Variants in KPNB1 observed in about 807,000 individuals in gnomAD.
KPNB1 encodes importin subunit beta-1.
A neutral mutation model predicts 113.0 loss-of-function variants in KPNB1; 7 were observed. That is an observed-to-expected ratio of 0.06 (90% CI 0.04 to 0.12). The LOEUF (loss-of-function observed/expected upper bound fraction) is 0.12, where lower values mean the gene tolerates loss of function less well. Among genes scored for constraint, KPNB1 ranks in the 10% least tolerant of loss-of-function variants. The probability of loss-of-function intolerance (pLI) is 1.00; values close to 1 mark genes in which losing one functional copy is unlikely to be tolerated. For synonymous variants in KPNB1, 363 were observed against 378.6 expected, an observed-to-expected ratio of 0.96 and a Z score of 0.48; for missense variants, 400 against 1,054.8, an observed-to-expected ratio of 0.38 and a Z score of 8.60.
At position 47,675,373 on chromosome 17, in the gene KPNB1, T is replaced by TTC. The variant is rs2030579019; in HGVS notation, c.1912+592_1912+593insCT. 1.9e-5 allele frequency among the ~76,000 whole-genome samples: 2 copies of TTC among 102,626 alleles called. 1 individual carries two copies. The highest frequency in any genetic ancestry group is 3.8e-5 in the Non-Finnish European group (2 of 52,072). The allele number at this position is 102,626 out of a possible 152,430, so 67.3% of individuals were successfully genotyped here. ...TGGCAGAGGTGTTGTTTTTTTTTTG[T>TTC]TTTTTTTTTTTGTTTGTTTTTTTTT... On this transcript the variant is annotated intron_variant, in intron 15 of 21. Coordinates refer to ENST00000290158, the MANE Select transcript of KPNB1 (RefSeq NM_002265.6).
At chr17:47,664,408 A>G (rs1331742504) in intron 8 of KPNB1, 139 bp downstream of exon 8, 2 of 608,028 alleles carry the variant, frequency 3.3e-6, no homozygotes, top group Non-Finnish European at 5.8e-6. Flanking sequence ...TTTTTCTGCT[A>G]GCCAGAGCCC....
chr17:47,651,391 GT>G (rs1915564684), intron 2 of KPNB1: 2 of 978,786 alleles, frequency 2.0e-6, no homozygotes, highest in South Asian at 4.7e-5. Flanking sequence ...TAGGAATTAA[GT>G]CTGAGTAACA....
At chr17:47,656,785 A>G (rs548692228) in intron 3 of KPNB1, 75 bp from the exon 4 acceptor site, 86 of 1,393,864 alleles carry the variant, frequency 6.2e-5, no homozygotes, top group Middle Eastern at 3.7e-4. Flanking sequence ...AGACACTAAT[A>G]TAAGTATGGT....
At chr17:47,677,746 G>A (rs1567895219) in intron 17 of KPNB1, among the ~76,000 whole-genome samples, 2 of 152,148 alleles carry the variant, frequency 1.3e-5, no homozygotes, top group Non-Finnish European at 2.9e-5. Context: ...TCATGAGCAG[G>A]GGACCATTTG....
intron 2 of KPNB1, among the ~76,000 whole-genome samples, chr17:47,651,651 C>T (rs927930800): frequency 6.3e-4 from 96 of 152,006 alleles, no homozygotes; most frequent in Admixed American, 6.0e-3. Context: ...TATCTTATTC[C>T]TAACATTCTT....
chr17:47,673,615 T>C (rs552791609), intron 14 of KPNB1, 54 bp downstream of exon 14: 1 of 1,325,850 alleles, frequency 7.5e-7, no homozygotes, highest in Non-Finnish European at 1.1e-6. Flanking sequence ...TATTAGTATC[T>C]CAGTATAACA....
At chr17:47,656,776 G>A in intron 3 of KPNB1, 84 bp from the exon 4 acceptor site, 2 of 1,308,814 alleles carry the variant, frequency 1.5e-6, no homozygotes. Context: ...AGAATTCAGA[G>A]ACACTAATAT....
chr17:47,669,894 A>C, intron 11 of KPNB1, 25 bp downstream of exon 11: 1 of 1,532,950 alleles, frequency 6.5e-7, no homozygotes, highest in Non-Finnish European at 9.0e-7. Context: ...TGCTGGTGAG[A>C]AAAGGAGCTT....
chr17:47,682,355 T>G, intron 21 of KPNB1, 49 bp from the exon 22 acceptor site: 1 of 780,656 alleles, frequency 1.3e-6, no homozygotes, highest in South Asian at 1.3e-5. Flanking sequence ...TTGGCTCTGT[T>G]GGGTATATGT....
At chr17:47,650,655 A>G (rs932869985) in intron 2 of KPNB1, among the ~76,000 whole-genome samples, 1 of 149,280 alleles carries the variant, frequency 6.7e-6, no homozygotes, top group African/African-American at 2.4e-5. Flanking sequence ...CGACTGGCCA[A>G]TGGCTTGGCG....
At chr17:47,651,287 T>C (rs756741699) in intron 2 of KPNB1, 138 of 985,112 alleles carry the variant, frequency 1.4e-4, no homozygotes, top group Non-Finnish European at 1.6e-4. Flanking sequence ...ACAGCCTAGA[T>C]GCCAGTTAAG....
intron 2 of KPNB1, chr17:47,651,378 T>A (rs888850449): frequency 2.0e-6 from 2 of 983,700 alleles, no homozygotes; most frequent in Non-Finnish European, 2.4e-6. Context: ...TTGAGAAAGG[T>A]AATAGGAATT....
intron 8 of KPNB1, 52 bp from the exon 9 acceptor site, chr17:47,665,005 A>C: frequency 7.7e-7 from 1 of 1,291,302 alleles, no homozygotes; most frequent in South Asian, 1.2e-5. Flanking sequence ...GTATGCCTTT[A>C]GTATACAGAG....
rs562501646 is a variant in KPNB1, at chr17:47,677,138, A to G, written c.2103+11A>G. The G allele has an allele frequency of 1.9e-6, 3 of 1,549,046 alleles. No individual in the cohort carries two copies. The highest frequency in any genetic ancestry group is 2.7e-5 in the African/African-American group (2 of 73,618). Reference sequence around the variant, plus strand: ...CTGGAAAATTTGGGGGTGAGTATCTACACACAATCTAATTAACCAGTCTTC... The same window carrying G: ...CTGGAAAATTTGGGGGTGAGTATCTGCACACAATCTAATTAACCAGTCTTC... On this transcript the variant is annotated intron_variant, in intron 17 of 21. Transcript: ENST00000290158.
rs760010314 is a variant in KPNB1 at position 47,682,467 on chromosome 17, C to T, written c.*63C>T. The T allele has an allele frequency of 1.3e-6, 1 of 778,934 alleles. No homozygotes were observed. Among genetic ancestry groups the T allele is most frequent in the East Asian group, 2.4e-5 (1 of 41,246 alleles). 48.3% of individuals were successfully genotyped at this position (778,934 alleles called of 1,614,324 possible). A position where few individuals can be genotyped will look rare whatever the true frequency, so the allele number is the denominator to read the frequency against. On this transcript the variant is annotated 3_prime_UTR_variant, in exon 22 of 22. Transcript: ENST00000290158. Reference sequence around the variant, plus strand: ...TGGAAATCTCCCATCTTTTGAAAAACCTGGAAGTGAGGAGTGTGCACGGAT... The same window carrying T: ...TGGAAATCTCCCATCTTTTGAAAAATCTGGAAGTGAGGAGTGTGCACGGAT...
chr17:47,664,400 T>C (rs554643371), intron 8 of KPNB1, 131 bp downstream of exon 8: 11 of 630,332 alleles, frequency 1.7e-5, no homozygotes, highest in African/African-American at 1.7e-4. Context: ...GATTTTGATT[T>C]TTCTGCTAGC....
At position 47,668,429 on chromosome 17, in the gene KPNB1, T is replaced by G. The variant is rs1226238320; in HGVS notation, c.1224+19T>G. The G allele has an allele frequency of 1.3e-6, 2 of 1,587,228 alleles. No homozygotes were observed. Among genetic ancestry groups the G allele is most frequent in the Non-Finnish European group, 8.7e-7 (1 of 1,155,880 alleles). ...TATACAGGTGAAACTGAGGGATTTTTGGAGTAGAAAGTAGGATATTTATTG... is the reference window on the plus strand; with the variant it reads ...TATACAGGTGAAACTGAGGGATTTTGGGAGTAGAAAGTAGGATATTTATTG... On this transcript the variant is annotated intron_variant, in intron 10 of 21. Transcript: ENST00000290158.
chr17:47,669,954 G>C (rs1175368885), intron 11 of KPNB1, 85 bp downstream of exon 11: 3 of 971,974 alleles, frequency 3.1e-6, no homozygotes. Flanking sequence ...AAATCAATCT[G>C]CCTCACTGGA....
intron 9 of KPNB1, among the ~76,000 whole-genome samples, chr17:47,667,393 C>A (rs1258882083): frequency 6.6e-6 from 1 of 151,960 alleles, no homozygotes; most frequent in Non-Finnish European, 1.5e-5. Context: ...TCCTAAAGTG[C>A]TGGGATTACA....
Sources: gnomAD v4.1 joint callset for allele counts (sites outside exome capture counted in the v4.1 genomes callset) on GRCh38, gnomAD v4.1.1 for gene constraint, MANE v1.5 for transcripts, NCBI Gene and HGNC (gene_info 2026-07-23, HGNC 2026-07-21) for gene names.